ZNF628: variants seen among roughly 807,000 people sequenced by gnomAD.
The protein encoded by ZNF628 is zinc finger protein 628.
In ZNF628, 3 loss-of-function variants were observed where a neutral mutation model predicts 2.5. That is an observed-to-expected ratio of 1.19 (90% CI 0.54 to 3.07). The LOEUF is 3.07. Among genes scored for constraint, ZNF628 ranks in the 30% most tolerant of loss-of-function variants. ZNF628 has a pLI of 0.03. For missense variants in ZNF628, 1,610 were observed against 1,517.1 expected, an observed-to-expected ratio of 1.06 and a Z score of -1.02; for synonymous variants, 861 against 717.1, an observed-to-expected ratio of 1.20 and a Z score of -3.21.
chr19:55,479,729 C>T lies in ZNF628; in HGVS notation c.-77-105C>T, dbSNP rs532625925. 31 of 388,288 alleles carry T rather than the reference C, an allele frequency of 8.0e-5. No individual in the cohort carries two copies. Among genetic ancestry groups the T allele is most frequent in the Admixed American group, 4.0e-4 (9 of 22,346 alleles). 24.1% of individuals were successfully genotyped at this position (388,288 alleles called of 1,614,324 possible). A position where few individuals can be genotyped will look rare whatever the true frequency, so the allele number is the denominator to read the frequency against. On this transcript the variant is annotated intron_variant, in intron 1 of 2. Coordinates refer to ENST00000598519, the MANE Select transcript of ZNF628 (RefSeq NM_033113.3). The surrounding 1 kb of genome is among the most constrained non-coding windows in gnomAD (Gnocchi z 5.1). The stretch of plus-strand genomic sequence containing the variant: ...TAACCCCAAATGCCTCCAGGCATTG[C>T]GGGATGTCCCCTGGGTTGAAGGCAC...
Position 55,484,381 on chromosome 19 carries a change from C to T in ZNF628, c.*8C>T. ...CTGGTGCACACGTTTTGAGGAGAGG[C>T]AGTGATTCCCCTCCCGCCCCGCACA... On this transcript the variant is annotated 3_prime_UTR_variant, in exon 3 of 3. Transcript: ENST00000598519. 1 of 1,440,988 alleles carries T rather than the reference C, an allele frequency of 6.9e-7. No individual in the cohort carries two copies. Among genetic ancestry groups the T allele is most frequent in the Non-Finnish European group, 9.1e-7 (1 of 1,093,936 alleles). 89.3% of individuals were successfully genotyped at this position (1,440,988 alleles called of 1,614,324 possible).
Position 55,483,018 on chromosome 19 carries a change from C to G in ZNF628, c.1825C>G (p.Leu609Val). ...CPKTFTHSSN[L>V]LLHQRTHSAE... is the part of the protein sequence containing the mutation. ...CAAGACCTTCACCCACTCCTCCAAC[C>G]TGCTGCTGCACCAGCGCACGCACTC... is the stretch of plus-strand genomic sequence containing the variant. The change falls in exon 3 of 3, where the codon CTG (leucine) becomes GTG (valine). Residue 609 changes from leucine (L) to valine (V), a missense_variant. Transcript: ENST00000598519. The G allele has an allele frequency of 1.2e-6, 2 of 1,612,262 alleles. No individual in the cohort carries two copies. Among genetic ancestry groups the G allele is most frequent in the East Asian group, 4.5e-5 (2 of 44,866 alleles).
In ZNF628 at chr19:55,479,473, C is replaced by G. The variant is rs991019256; in HGVS notation, c.-77-361C>G. 6.6e-6 allele frequency among the ~76,000 whole-genome samples: 1 copy of G among 152,142 alleles called. No homozygotes were observed. Among genetic ancestry groups the G allele is most frequent in the Non-Finnish European group, 1.5e-5 (1 of 68,026 alleles). Reference sequence around the variant, plus strand: ...AGATTGTTGGTTCTGCAGATGGGAACGTCCAGGAGAGGAGGAAAAGTGGAG... The same window carrying G: ...AGATTGTTGGTTCTGCAGATGGGAAGGTCCAGGAGAGGAGGAAAAGTGGAG... On this transcript the variant is annotated intron_variant, in intron 1 of 2. Coordinates refer to ENST00000598519, the MANE Select transcript of ZNF628 (RefSeq NM_033113.3). The surrounding 1 kb of genome is among the most constrained non-coding windows in gnomAD (Gnocchi z 5.1).
chr19:55,480,993 A>G (rs1006295887), intron 2 of ZNF628, among the ~76,000 whole-genome samples: 1 of 152,142 alleles, frequency 6.6e-6, no homozygotes, highest in Non-Finnish European at 1.5e-5. Context: ...GGGAGTTTCC[A>G]TTTCAGCACT....
At position 55,478,639 on chromosome 19, in the gene ZNF628, C is replaced by T. The variant is rs1034346753; in HGVS notation, c.-77-1195C>T. ...CTTCAGTTGCTGTATTGGGAACAGACGGGTGGGCAGGGCACGGGTGGAAAC... is the reference window on the plus strand; with the variant it reads ...CTTCAGTTGCTGTATTGGGAACAGATGGGTGGGCAGGGCACGGGTGGAAAC... On this transcript the variant is annotated intron_variant, in intron 1 of 2. Transcript: ENST00000598519. Among the ~76,000 whole-genome samples, 28 of 152,162 alleles carry T rather than the reference C, an allele frequency of 1.8e-4. 1 individual carries two copies. Among genetic ancestry groups the T allele is most frequent in the Admixed American group, 1.7e-3 (26 of 15,272 alleles).
At position 55,482,511 on chromosome 19, in the gene ZNF628, C is replaced by T. The variant is rs1292906498; in HGVS notation, c.1318C>T (p.Pro440Ser). 2.0e-6 allele frequency: 3 copies of T among 1,472,802 alleles called. No individual in the cohort carries two copies. The South Asian group carries it at 4.1e-5, about 20-fold the overall frequency. The allele number at this position is 1,472,802 out of a possible 1,614,324, so 91.2% of individuals were successfully genotyped here. A position where few individuals can be genotyped will look rare whatever the true frequency, so the allele number is the denominator to read the frequency against. The change falls in exon 3 of 3, where the codon CCG becomes TCG. Residue 440 changes from proline (P) to serine (S), a missense_variant. Transcript: ENST00000598519. Reference sequence around the variant, plus strand: ...ACCGCTGGCGCCTGCCGCCCCCGTCCCGCCGCCACCCCCGTCCGCCCCCGC... The same window carrying T: ...ACCGCTGGCGCCTGCCGCCCCCGTCTCGCCGCCACCCCCGTCCGCCCCCGC... The part of the protein sequence containing the change: ...QEPLAPAAPV[P>S]PPPPSAPASA...
At chr19:55,478,723 A>T (rs975620521) in intron 1 of ZNF628, among the ~76,000 whole-genome samples, 1 of 152,204 alleles carries the variant, frequency 6.6e-6, no homozygotes, top group African/African-American at 2.4e-5. Flanking sequence ...GGTGCCTCAG[A>T]TCAAGGTGGA....
chr19:55,482,480 C>A lies in ZNF628; in HGVS notation c.1287C>A (p.Pro429=), dbSNP rs1285002099. Reference sequence around the variant, plus strand: ...CTGAGGCTGCGGAGGTGACCTGCCCCCAGGAACCGCTGGCGCCTGCCGCCC... The same window carrying A: ...CTGAGGCTGCGGAGGTGACCTGCCCACAGGAACCGCTGGCGCCTGCCGCCC... ...PQAEAAEVTC[P]QEPLAPAAPV... is the part of the protein sequence containing the mutation. The change falls in exon 3 of 3, where the codon CCC becomes CCA. Residue 429 remains proline (P), a synonymous_variant. Coordinates refer to ENST00000598519, the MANE Select transcript of ZNF628 (RefSeq NM_033113.3). The A allele has an allele frequency of 6.9e-7, 1 of 1,439,342 alleles. No individual in the cohort carries two copies. The highest frequency in any genetic ancestry group is 9.1e-7 in the Non-Finnish European group (1 of 1,102,024). The allele number at this position is 1,439,342 out of a possible 1,614,324, so 89.2% of individuals were successfully genotyped here. A position where few individuals can be genotyped will look rare whatever the true frequency, so the allele number is the denominator to read the frequency against.
At position 55,482,898 on chromosome 19, in the gene ZNF628, G is replaced by C; in HGVS notation, c.1705G>C (p.Gly569Arg). ...VHTGERPHAC[G>R]VCGKSFAQTS... is the part of the protein sequence containing the mutation. ...CACTGGCGAGAGGCCCCACGCCTGC[G>C]GTGTCTGCGGCAAGAGCTTCGCGCA... The change falls in exon 3 of 3, where the codon GGT (glycine) becomes CGT (arginine). Residue 569 changes from glycine (G) to arginine (R), a missense_variant. This residue lies in a region of ZNF628 where 651 missense variants were observed against 575.6 expected (regional missense o/e 1.13). Transcript: ENST00000598519. 6.2e-7 allele frequency: 1 copy of C among 1,607,408 alleles called. No homozygotes were observed. Among genetic ancestry groups the C allele is most frequent in the South Asian group, 1.1e-5 (1 of 90,892 alleles).
In ZNF628 at chr19:55,477,148, A is replaced by G. The variant is rs1986572418; in HGVS notation, c.-78+341A>G. ...GTTGCTTCAAAGCGATCCCTGGTTT[A>G]GCTCAACAAAAGTGGAGATGGGGCT... On this transcript the variant is annotated intron_variant, in intron 1 of 2. Transcript: ENST00000598519. 2.0e-5 allele frequency among the ~76,000 whole-genome samples: 3 copies of G among 152,346 alleles called. No individual in the cohort carries two copies. The South Asian group carries it at 6.2e-4, about 32-fold the overall frequency.
At chr19:55,478,772 C>T (rs1047042167) in intron 1 of ZNF628, among the ~76,000 whole-genome samples, 3 of 152,100 alleles carry the variant, frequency 2.0e-5, no homozygotes, top group African/African-American at 7.2e-5. Flanking sequence ...TATGTTCCGC[C>T]TGGAAGGGGA....
rs1475679703 is a variant in ZNF628, at chr19:55,483,047, G to A, written c.1854G>A (p.Ala618=). ...TGCTGCACCAGCGCACGCACTCGGC[G>A]GAGCGCCCCTTCACCTGCCCCATCT... ...NLLLHQRTHS[A]ERPFTCPICG... Residue 618 remains alanine (A), a synonymous_variant, in exon 3 of 3, where the codon GCG becomes GCA. Coordinates refer to ENST00000598519, the MANE Select transcript of ZNF628 (RefSeq NM_033113.3). 6.2e-7 allele frequency: 1 copy of A among 1,611,454 alleles called. No homozygotes were observed. The highest frequency in any genetic ancestry group is 8.5e-7 in the Non-Finnish European group (1 of 1,179,478).
intron 2 of ZNF628, 53 bp from the exon 3 acceptor site, chr19:55,481,148 G>T: frequency 6.8e-7 from 1 of 1,461,032 alleles, no homozygotes; most frequent in Non-Finnish European, 9.0e-7. Context: ...TGGGTTTGGG[G>T]TTGAGATGAT....
At position 55,484,057 on chromosome 19, in the gene ZNF628, A is replaced by C; in HGVS notation, c.2864A>C (p.Glu955Ala). ...EQTRLCVQEV[E>A]TLPPGLTEPP... is the part of the protein sequence containing the mutation. ...ACTCGACTCTGCGTACAGGAGGTAG[A>C]AACACTTCCTCCTGGGCTGACGGAG... Residue 955 changes from glutamate (E) to alanine (A), a missense_variant, in exon 3 of 3, where the codon GAA becomes GCA. This residue lies in a region of ZNF628 where 712 missense variants were observed against 603.6 expected (regional missense o/e 1.18). Coordinates refer to ENST00000598519, the MANE Select transcript of ZNF628 (RefSeq NM_033113.3). 1 of 1,594,514 alleles carries C rather than the reference A, an allele frequency of 6.3e-7. No homozygotes were observed.
rs906024848 is a variant in ZNF628 at position 55,482,710 on chromosome 19, G to A, written c.1517G>A (p.Gly506Asp). ...LLAIHQRVHT[G>D]LRAFTCGQCG... ...GCCATCCACCAGCGGGTGCACACGG[G>A]CCTGCGGGCCTTCACCTGTGGCCAG... Residue 506 changes from glycine (G) to aspartate (D), a missense_variant, in exon 3 of 3, where the codon GGC (glycine) becomes GAC (aspartate). Physicochemically the swap from Gly to Asp is moderately conservative, Grantham distance 94. Around this residue, in one of 5 missense-constraint regions of ZNF628, gnomAD observed 651 missense variants for 575.6 expected, o/e 1.13. Transcript: ENST00000598519. The A allele has an allele frequency of 1.2e-6, 2 of 1,612,532 alleles. No homozygotes were observed. Among genetic ancestry groups the A allele is most frequent in the Admixed American group, 3.3e-5 (2 of 59,962 alleles).
chr19:55,481,891 G>A lies in ZNF628; in HGVS notation c.698G>A (p.Gly233Asp). The change falls in exon 3 of 3, where the codon GGT becomes GAT. Residue 233 changes from glycine to aspartate, a missense_variant. Coordinates refer to ENST00000598519, the MANE Select transcript of ZNF628 (RefSeq NM_033113.3). ...ACGCACGGCGCCGCCCCCGCCCCGG[G>A]TACCGCCTCCGCGGCCCCGCCCCCC... Reference protein sequence around the residue: ...QRTHGAAPAPGTASAAPPPQS... With the variant: ...QRTHGAAPAPDTASAAPPPQS... The A allele has an allele frequency of 6.6e-7, 1 of 1,509,176 alleles. No individual in the cohort carries two copies. The highest frequency in any genetic ancestry group is 8.8e-7 in the Non-Finnish European group (1 of 1,132,096). The allele number at this position is 1,509,176 out of a possible 1,614,324, so 93.5% of individuals were successfully genotyped here.
In ZNF628 at chr19:55,479,327, G is replaced by A. The variant is rs1407714371; in HGVS notation, c.-77-507G>A. Among the ~76,000 whole-genome samples the A allele has an allele frequency of 6.6e-6, 1 of 152,234 alleles. No individual in the cohort carries two copies. Among genetic ancestry groups the A allele is most frequent in the Non-Finnish European group, 1.5e-5 (1 of 68,032 alleles). On this transcript the variant is annotated intron_variant, in intron 1 of 2. Transcript: ENST00000598519. This position sits in a 1 kb window ranked among gnomAD's most constrained non-coding sequence, Gnocchi z 5.1. ...CACCCGCGTGGGACTGAAGGGGTTT[G>A]CGCTGGGAAAGAGCGGGCTGACACT...
In ZNF628 at chr19:55,481,559, C is replaced by T. The variant is rs779261268; in HGVS notation, c.366C>T (p.Cys122=). ...ACACCGGCCTGCGGGCCTTCATCTG[C>T]GGCCAGTGCGGCCTGGCCTTCAAGT... is the stretch of plus-strand genomic sequence containing the variant. ...SVHTGLRAFI[C]GQCGLAFKWS... is the part of the protein sequence containing the mutation. Residue 122 remains cysteine (C), a synonymous_variant, in exon 3 of 3, where the codon TGC becomes TGT. Transcript: ENST00000598519. 1.1e-5 allele frequency: 18 copies of T among 1,612,906 alleles called. No individual in the cohort carries two copies. In the South Asian group the frequency reaches 1.3e-4, roughly 12 times the overall value.
intron 1 of ZNF628, among the ~76,000 whole-genome samples, chr19:55,477,595 C>G (rs1263904815): frequency 6.6e-6 from 1 of 152,106 alleles, no homozygotes; most frequent in Non-Finnish European, 1.5e-5. Flanking sequence ...AACCCCGTCT[C>G]TACTAAAAAT....
Sources: gnomAD v4.1 joint callset for allele counts (sites outside exome capture counted in the v4.1 genomes callset) on GRCh38, gnomAD v4.1.1 for gene constraint, gnomAD v4.1.1 regional missense constraint, Gnocchi (gnomAD v3.1) non-coding constraint, MANE v1.5 for transcripts, NCBI Gene and HGNC (gene_info 2026-07-23, HGNC 2026-07-21) for gene names.